The following ABCC9 variants were observed in gnomAD, a reference collection of about 807,000 sequenced individuals.
The protein encoded by ABCC9 is ATP-binding cassette sub-family C member 9.
ABCC9 carries 95 observed loss-of-function variants against 188.3 expected under a neutral mutation model. That is an observed-to-expected ratio of 0.50 (90% CI 0.43 to 0.60). ABCC9 has a LOEUF of 0.60. Among genes scored for constraint, ABCC9 ranks in the 20% least tolerant of loss-of-function variants. ABCC9 has a pLI of 0.00. For missense variants in ABCC9, 1,102 were observed against 1,876.3 expected, an observed-to-expected ratio of 0.59 and a Z score of 7.62; for synonymous variants, 659 against 652.7, an observed-to-expected ratio of 1.01 and a Z score of -0.15.
In ABCC9 at chr12:21,908,155, A is replaced by G; in HGVS notation, c.1377T>C (p.Gly459=). 3 of 1,612,778 alleles carry G rather than the reference A, an allele frequency of 1.9e-6. No homozygotes were observed. Among genetic ancestry groups the G allele is most frequent in the Non-Finnish European group, 2.5e-6 (3 of 1,179,128 alleles). ...GCGCAAGGAGCACAATGACAGCTGC[A>G]CCGACCAATGCACTTGATCCAAGTA... is the stretch of plus-strand genomic sequence containing the variant. ...YNLLGSSALV[G]AAVIVLLAPI... is the part of the protein sequence containing the mutation. Residue 459 remains glycine (G), a synonymous_variant, in exon 11 of 40, where the codon GGT becomes GGC. Transcript: ENST00000261200.
At chr12:21,804,112 C>T (rs1332492836) in intron 39 of ABCC9, among the ~76,000 whole-genome samples, 5 of 143,286 alleles carry the variant, frequency 3.5e-5, no homozygotes, top group Admixed American at 6.9e-5. Flanking sequence ...ATATTAGGGG[C>T]GGGTGGGAGC....
At position 21,912,864 on chromosome 12, in the gene ABCC9, G is replaced by A. The variant is rs752782377; in HGVS notation, c.1011+8C>T. 1 of 1,612,164 alleles carries A rather than the reference G, an allele frequency of 6.2e-7. No homozygotes were observed. Among genetic ancestry groups the A allele is most frequent in the South Asian group, 1.1e-5 (1 of 90,982 alleles). On this transcript the variant is annotated splice_region_variant and intron_variant, in intron 8 of 39. Transcript: ENST00000261200. ...ATATGTTTCCATTGAAAATCACCAG[G>A]AACTTACTCCAGTTGTGTTATTTGT... is the stretch of plus-strand genomic sequence containing the variant.
intron 1 of ABCC9, 146 bp from the exon 2 acceptor site, chr12:21,940,971 CG>C (rs1949662157): frequency 6.6e-6 from 1 of 152,280 alleles, no homozygotes; most frequent in African/African-American, 2.4e-5. Flanking sequence ...GAGTAGGAGA[CG>C]GCAGTTTTGA....
chr12:21,817,072 A>C, intron 33 of ABCC9, 115 bp downstream of exon 33: 1 of 1,159,864 alleles, frequency 8.6e-7, no homozygotes, highest in Non-Finnish European at 1.3e-6. Context: ...GATATGAGAG[A>C]GTTTTCTGGA....
At chr12:21,811,833 A>T (rs1942259578) in intron 36 of ABCC9, among the ~76,000 whole-genome samples, 1 of 152,178 alleles carries the variant, frequency 6.6e-6, no homozygotes, top group Non-Finnish European at 1.5e-5. Flanking sequence ...CTTTTATAGA[A>T]TCAAACTGAA....
chr12:21,911,021 T>C (rs1948300517), intron 8 of ABCC9, 43 bp from the exon 9 acceptor site: 1 of 1,595,938 alleles, frequency 6.3e-7, no homozygotes, highest in South Asian at 1.1e-5. Flanking sequence ...AACTCGTCTT[T>C]TTATAGACCA....
intron 16 of ABCC9, among the ~76,000 whole-genome samples, chr12:21,880,452 C>T (rs936657973): frequency 6.6e-6 from 1 of 151,928 alleles, no homozygotes; most frequent in African/African-American, 2.4e-5. Context: ...AGTGGAAAGC[C>T]AAGTTACACA....
chr12:21,830,613 A>G (rs756575395), intron 30 of ABCC9, among the ~76,000 whole-genome samples: 7 of 152,256 alleles, frequency 4.6e-5, no homozygotes, highest in Non-Finnish European at 1.0e-4. Flanking sequence ...GAAGTAATCC[A>G]TACAGGCCAA....
Position 21,862,140 on chromosome 12 carries a change from C to T in ABCC9, c.2339+813G>A, listed in dbSNP as rs142523585. Among the ~76,000 whole-genome samples the T allele has an allele frequency of 1.3e-3, 204 of 151,668 alleles. 1 individual carries two copies. The East Asian group carries it at 0.029, about 22-fold the overall frequency. On this transcript the variant is annotated intron_variant, in intron 20 of 39. Transcript: ENST00000261200. ...ACCATCCCTTCTTTTATATTTCTACCGTCATTCCTAAGTGTAGGCAACACA... is the reference window on the plus strand; with the variant it reads ...ACCATCCCTTCTTTTATATTTCTACTGTCATTCCTAAGTGTAGGCAACACA...
chr12:21,848,028 T>G, intron 25 of ABCC9, 122 bp downstream of exon 25: 1 of 795,878 alleles, frequency 1.3e-6, no homozygotes, highest in South Asian at 1.5e-5. Context: ...TCAGTATTAC[T>G]TGATTTAATT....
Position 21,910,964 on chromosome 12 carries a change from G to A in ABCC9, c.1026C>T (p.Leu342=), listed in dbSNP as rs750197446. 1.2e-5 allele frequency: 19 copies of A among 1,611,822 alleles called. No homozygotes were observed. The East Asian group carries it at 4.0e-4, about 34-fold the overall frequency. The change falls in exon 9 of 40, where the codon CTC becomes CTT. Residue 342 remains leucine, a synonymous_variant. Transcript: ENST00000261200. ...TNNTTGISET[L]SSKEFLENAY... ...CGTTTTCAAGAAATTCCTTTGATGA[G>A]AGGGTTTCTGAAATCTGGTCCCCAA...
At chr12:21,859,161 G>C (rs1945379008) in intron 22 of ABCC9, among the ~76,000 whole-genome samples, 1 of 152,122 alleles carries the variant, frequency 6.6e-6, no homozygotes, top group Non-Finnish European at 1.5e-5. Context: ...CACAGATAAA[G>C]CTTATCCACA....
chr12:21,896,612 G>T (rs1283051919), intron 12 of ABCC9, among the ~76,000 whole-genome samples: 1 of 152,062 alleles, frequency 6.6e-6, no homozygotes. Context: ...TCCTCCCTGT[G>T]TCTGTGTGTT....
rs1358268369 is a variant in ABCC9 at position 21,797,615 on chromosome 12, C to G, written c.*3429G>C. The G allele has an allele frequency of 6.6e-6, 1 of 152,090 alleles. No homozygotes were observed. The highest frequency in any genetic ancestry group is 1.5e-5 in the Non-Finnish European group (1 of 68,004). 9.4% of individuals were successfully genotyped at this position (152,090 alleles called of 1,614,324 possible). On this transcript the variant is annotated 3_prime_UTR_variant, in exon 40 of 40. Transcript: ENST00000261200. ...AATCAACCCTACTGTGGGTTAGGCA[C>G]TTGTATTAAATTCCAAGGGCACAAT...
rs1459184860 is a variant in ABCC9, at chr12:21,799,942, C to T, written c.*1102G>A. The T allele has an allele frequency of 6.6e-6, 1 of 152,132 alleles. No homozygotes were observed. The highest frequency in any genetic ancestry group is 6.5e-5 in the Admixed American group (1 of 15,274). The allele number at this position is 152,132 out of a possible 1,614,324, so 9.4% of individuals were successfully genotyped here. A position where few individuals can be genotyped will look rare whatever the true frequency, so the allele number is the denominator to read the frequency against. On this transcript the variant is annotated 3_prime_UTR_variant, in exon 40 of 40. Coordinates refer to ENST00000261200, the MANE Select transcript of ABCC9 (RefSeq NM_020297.4). ...ACTCTTTACATGCTCATTAAAATTA[C>T]AATAACATTTTTGGTATATTTTTTG...
chr12:21,911,865 A>C (rs1157699324), intron 8 of ABCC9, among the ~76,000 whole-genome samples: 1 of 151,722 alleles, frequency 6.6e-6, no homozygotes, highest in Non-Finnish European at 1.5e-5. Context: ...ACATCACCAA[A>C]GTGTATTCAG....
chr12:21,925,439 A>G, intron 5 of ABCC9: 2 of 697,584 alleles, frequency 2.9e-6, no homozygotes, highest in Middle Eastern at 2.3e-4. Flanking sequence ...TCATTATGCT[A>G]GAAACATACT....
At chr12:21,850,563 A>C (rs1197768803) in intron 24 of ABCC9, among the ~76,000 whole-genome samples, 2 of 152,132 alleles carry the variant, frequency 1.3e-5, no homozygotes, top group East Asian at 1.9e-4. Flanking sequence ...TTAATTATAC[A>C]GCTATGCTAT....
At position 21,805,260 on chromosome 12, in the gene ABCC9, C is replaced by A. The variant is rs2137105002; in HGVS notation, c.4512+738G>T. ...ACAGTATCACACTCCACTAAAATACCCTCAGAAAAGACTAAAACAAGGCCT... is the reference window on the plus strand; with the variant it reads ...ACAGTATCACACTCCACTAAAATACACTCAGAAAAGACTAAAACAAGGCCT... On this transcript the variant is annotated intron_variant, in intron 39 of 39. Coordinates refer to ENST00000261200, the MANE Select transcript of ABCC9 (RefSeq NM_020297.4). 1 of 1,613,932 alleles carries A rather than the reference C, an allele frequency of 6.2e-7. No homozygotes were observed. The highest frequency in any genetic ancestry group is 8.5e-7 in the Non-Finnish European group (1 of 1,179,948).
Sources: allele counts gnomAD v4.1 joint callset (sites outside exome capture counted in the v4.1 genomes callset), GRCh38; gene constraint gnomAD v4.1.1; transcripts MANE v1.5; gene names NCBI Gene and HGNC (gene_info 2026-07-23, HGNC 2026-07-21).